INPP5A: variants seen among roughly 807,000 people sequenced by gnomAD.
INPP5A encodes inositol polyphosphate-5-phosphatase A.
Under a neutral mutation model 65.2 loss-of-function variants are expected in INPP5A, and 14 were observed. The observed-to-expected ratio is 0.21, with a 90% CI of 0.14 to 0.34. The LOEUF (loss-of-function observed/expected upper bound fraction) is 0.34, where lower values mean the gene tolerates loss of function less well. INPP5A is among the 10% of genes least tolerant of loss of function. INPP5A has a pLI of 1.00. For missense variants in INPP5A, 431 were observed against 545.6 expected (o/e 0.79, Z 2.09); for synonymous variants, 207 against 208.3 (o/e 0.99, Z 0.05).
chr10:132,580,623 T>C (rs1298428174), intron 1 of INPP5A, among the ~76,000 whole-genome samples: 1 of 152,236 alleles, frequency 6.6e-6, no homozygotes, highest in African/African-American at 2.4e-5. Flanking sequence ...ACTTCAGCCC[T>C]TTTATTTTTG....
At chr10:132,688,739 C>T (rs1386405834) in intron 4 of INPP5A, among the ~76,000 whole-genome samples, 1 of 149,380 alleles carries the variant, frequency 6.7e-6, no homozygotes, top group Admixed American at 6.7e-5. Flanking sequence ...TGAATGTGTG[C>T]AAGTGTGTGA....
At chr10:132,579,771 G>A (rs1003499354) in intron 1 of INPP5A, among the ~76,000 whole-genome samples, 2 of 151,962 alleles carry the variant, frequency 1.3e-5, no homozygotes, top group East Asian at 1.9e-4. Flanking sequence ...GGAGAAGCCC[G>A]GAAGATTGAG....
chr10:132,783,117 C>G lies in INPP5A; in HGVS notation c.*1088C>G, dbSNP rs1457295615. On this transcript the variant is annotated 3_prime_UTR_variant, in exon 16 of 16. Transcript: ENST00000368594. ...CGCTACAGACAACCCATGTCATAAC[C>G]TTGTTGCAAATATTTTTCTCCTATA... 2 of 152,386 alleles carry G rather than the reference C, an allele frequency of 1.3e-5. No individual in the cohort carries two copies. The highest frequency in any genetic ancestry group is 2.9e-5 in the Non-Finnish European group (2 of 68,040). 9.4% of individuals were successfully genotyped at this position (152,386 alleles called of 1,614,324 possible). A position where few individuals can be genotyped will look rare whatever the true frequency, so the allele number is the denominator to read the frequency against.
intron 8 of INPP5A, among the ~76,000 whole-genome samples, chr10:132,724,771 A>G (rs1370306916): frequency 6.7e-6 from 1 of 149,140 alleles, no homozygotes; most frequent in African/African-American, 2.5e-5. Context: ...TGCCATATTC[A>G]CCACAGACGG....
At position 132,698,208 on chromosome 10, in the gene INPP5A, C is replaced by T. The variant is rs1256614497; in HGVS notation, c.474+289C>T. On this transcript the variant is annotated intron_variant, in intron 6 of 15. Transcript: ENST00000368594. This position sits in a 1 kb window ranked among gnomAD's most constrained non-coding sequence, Gnocchi z 5.5. ...AAAGATGTAGGAAAATCATTCAGCT[C>T]CCTTGGCGTGCACCTGGGGTCTCCC... 6.6e-6 allele frequency among the ~76,000 whole-genome samples: 1 copy of T among 152,172 alleles called. No homozygotes were observed. Among genetic ancestry groups the T allele is most frequent in the Non-Finnish European group, 1.5e-5 (1 of 68,038 alleles).
intron 1 of INPP5A, among the ~76,000 whole-genome samples, chr10:132,567,254 G>A (rs1046400753): frequency 1.3e-5 from 2 of 152,214 alleles, no homozygotes; most frequent in African/African-American, 2.4e-5. Context: ...AAGGAAGCAC[G>A]CAAAAATACC....
chr10:132,749,224 C>G (rs771011465), intron 9 of INPP5A, among the ~76,000 whole-genome samples: 78 of 152,272 alleles, frequency 5.1e-4, no homozygotes, highest in Non-Finnish European at 9.1e-4. Context: ...TCCGAGCCTG[C>G]TGGTGTCGCA....
In INPP5A at chr10:132,581,398, G is replaced by T. The variant is rs376711464; in HGVS notation, c.76-26517G>T. Among the ~76,000 whole-genome samples the T allele has an allele frequency of 1.2e-4, 19 of 152,222 alleles. No homozygotes were observed. The East Asian group carries it at 2.1e-3, about 17-fold the overall frequency. Reference sequence around the variant, plus strand: ...TGAACATCTATTTTTATTTTCTTAGGCAATTCTACCTAGGAGTGAAGTGGC... The same window carrying T: ...TGAACATCTATTTTTATTTTCTTAGTCAATTCTACCTAGGAGTGAAGTGGC... On this transcript the variant is annotated intron_variant, in intron 1 of 15. Coordinates refer to ENST00000368594, the MANE Select transcript of INPP5A (RefSeq NM_005539.5).
intron 1 of INPP5A, among the ~76,000 whole-genome samples, chr10:132,541,304 C>T (rs1220620600): frequency 3.3e-5 from 5 of 152,188 alleles, no homozygotes; most frequent in African/African-American, 4.8e-5. Flanking sequence ...CAAAACGCTG[C>T]GTGCATCCAC....
chr10:132,600,492 A>G (rs1348400412), intron 1 of INPP5A, among the ~76,000 whole-genome samples: 1 of 152,246 alleles, frequency 6.6e-6, no homozygotes, highest in East Asian at 1.9e-4. Flanking sequence ...GCAAGTCTCC[A>G]GGAAGTTCCA....
At chr10:132,744,320 C>A (rs1047889334) in intron 9 of INPP5A, among the ~76,000 whole-genome samples, 1 of 152,236 alleles carries the variant, frequency 6.6e-6, no homozygotes, top group African/African-American at 2.4e-5. Flanking sequence ...CCATCCCCCA[C>A]CACCCACAGG....
intron 12 of INPP5A, among the ~76,000 whole-genome samples, chr10:132,773,357 C>T (rs529044556): frequency 3.3e-5 from 5 of 152,276 alleles, no homozygotes; most frequent in East Asian, 1.9e-4. Flanking sequence ...TGAGCAAGAT[C>T]GAGTTTTAGC....
chr10:132,702,566 C>G (rs1845453689), intron 6 of INPP5A, among the ~76,000 whole-genome samples: 1 of 152,190 alleles, frequency 6.6e-6, no homozygotes, highest in Admixed American at 6.5e-5. Flanking sequence ...AGGTAAAAAC[C>G]TGGGCATGCT....
At chr10:132,773,258 A>T (rs905981722) in intron 12 of INPP5A, among the ~76,000 whole-genome samples, 2 of 152,374 alleles carry the variant, frequency 1.3e-5, no homozygotes, top group African/African-American at 2.4e-5. Context: ...TATCATACGC[A>T]GAGCAGGTCC....
chr10:132,658,583 T>C (rs937636562), intron 4 of INPP5A, among the ~76,000 whole-genome samples: 1 of 152,140 alleles, frequency 6.6e-6, no homozygotes, highest in Non-Finnish European at 1.5e-5. Flanking sequence ...AGGCCGGGCC[T>C]TGGATGCAGC....
chr10:132,653,611 G>A (rs1023648465), intron 4 of INPP5A, among the ~76,000 whole-genome samples: 3 of 152,132 alleles, frequency 2.0e-5, no homozygotes, highest in South Asian at 2.1e-4. Flanking sequence ...GGATACAAAC[G>A]CATTCTCTTA....
At chr10:132,715,114 G>T (rs1267262831) in intron 8 of INPP5A, among the ~76,000 whole-genome samples, 1 of 152,200 alleles carries the variant, frequency 6.6e-6, no homozygotes, top group Non-Finnish European at 1.5e-5. Flanking sequence ...TCAGCCCTTG[G>T]GGGGCATCTG....
intron 4 of INPP5A, among the ~76,000 whole-genome samples, chr10:132,683,621 T>C (rs2073081466): frequency 6.6e-6 from 1 of 152,240 alleles, no homozygotes; most frequent in Admixed American, 6.5e-5. Flanking sequence ...AGTAACACCA[T>C]GCAGGGAAGA....
At chr10:132,682,187 G>A in intron 4 of INPP5A, among the ~76,000 whole-genome samples, 1 of 151,602 alleles carries the variant, frequency 6.6e-6, no homozygotes, top group East Asian at 1.9e-4. Context: ...CTGGAGATGG[G>A]AAGGTGGACA....
Sources: allele counts gnomAD v4.1 joint callset (sites outside exome capture counted in the v4.1 genomes callset), GRCh38; gene constraint gnomAD v4.1.1; non-coding constraint Gnocchi (gnomAD v3.1); transcripts MANE v1.5; gene names NCBI Gene and HGNC (gene_info 2026-07-23, HGNC 2026-07-21).